The following TFEC variants were observed in gnomAD, a reference collection of about 807,000 sequenced individuals.
The protein encoded by TFEC is transcription factor EC, also known as class E basic helix-loop-helix protein 34.
Under a neutral mutation model 41.6 loss-of-function variants are expected in TFEC, and 31 were observed. The observed-to-expected ratio is 0.74, with a 90% CI of 0.56 to 1.01. The LOEUF (loss-of-function observed/expected upper bound fraction) is 1.01. TFEC is among the 50% of genes least tolerant of loss of function. The pLI, the probability that TFEC is intolerant of heterozygous loss-of-function variation, is 0.00. For missense variants in TFEC, 402 were observed against 404.1 expected (o/e 0.99, Z 0.04); for synonymous variants, 143 against 140.6 (o/e 1.02, Z -0.12).
intron 3 of TFEC, among the ~76,000 whole-genome samples, chr7:115,959,795 C>T (rs1279412862): frequency 2.6e-5 from 4 of 151,220 alleles, no homozygotes; most frequent in Non-Finnish European, 5.9e-5. Context: ...AAAGTAATCT[C>T]CCAGGAGGAT....
chr7:115,938,542 A>C lies in TFEC; in HGVS notation c.*2009T>G, dbSNP rs1201721272. ...TAATTATTTTTCCATGTCAAACAATAAAATTATTTTAATTCTCCAAATTCT... is the reference window on the plus strand; with the variant it reads ...TAATTATTTTTCCATGTCAAACAATCAAATTATTTTAATTCTCCAAATTCT... On this transcript the variant is annotated 3_prime_UTR_variant, in exon 8 of 8. Transcript: ENST00000265440. 6.6e-6 allele frequency: 1 copy of C among 151,900 alleles called. No individual in the cohort carries two copies. Among genetic ancestry groups the C allele is most frequent in the Non-Finnish European group, 1.5e-5 (1 of 67,884 alleles). 9.4% of individuals were successfully genotyped at this position (151,900 alleles called of 1,614,324 possible).
Position 116,149,075 on chromosome 7 carries a change from T to TAATG in TFEC, c.-69+10711_-69+10714dup, listed in dbSNP as rs1798705457. ...GACAAAAATGGCTAAGCATCCAACT[T>TAATG]AATGAACTGAGAAATAGAATAGCAG... On this transcript the variant is annotated intron_variant, in intron 1 of 8. Transcript: ENST00000484212. Among the ~76,000 whole-genome samples, 3 of 152,200 alleles carry TAATG rather than the reference T, an allele frequency of 2.0e-5. No individual in the cohort carries two copies. The South Asian group carries it at 6.2e-4, about 32-fold the overall frequency.
chr7:115,937,467 C>T lies in TFEC; in HGVS notation c.*3084G>A, dbSNP rs946725922. ...CTCAAATAATTTGCTTTTAAATTCACACTATTTTTGTTTGGAAATTTATTT... is the reference window on the plus strand; with the variant it reads ...CTCAAATAATTTGCTTTTAAATTCATACTATTTTTGTTTGGAAATTTATTT... On this transcript the variant is annotated 3_prime_UTR_variant, in exon 8 of 8. Transcript: ENST00000265440. 1.1e-4 allele frequency: 16 copies of T among 151,764 alleles called. No homozygotes were observed. Among genetic ancestry groups the T allele is most frequent in the Middle Eastern group, 3.4e-3 (1 of 294 alleles). 9.4% of individuals were successfully genotyped at this position (151,764 alleles called of 1,614,324 possible). A position where few individuals can be genotyped will look rare whatever the true frequency, so the allele number is the denominator to read the frequency against.
chr7:116,003,251 TAA>T lies in TFEC; in HGVS notation c.-72-18740_-72-18739del, dbSNP rs5886802. 5.9e-4 allele frequency among the ~76,000 whole-genome samples: 89 copies of T among 150,634 alleles called. 2 individuals are homozygous for T. Among genetic ancestry groups the T allele is most frequent in the South Asian group, 4.2e-3 (20 of 4,768 alleles). On this transcript the variant is annotated intron_variant, in intron 1 of 7. Coordinates refer to ENST00000265440, the MANE Select transcript of TFEC (RefSeq NM_012252.4). Reference sequence around the variant, plus strand: ...CATTACCATTTTTAAACTTTAAATTTAAAAAAAAAAATTAAATAATTAAAAGT... The same window carrying T: ...CATTACCATTTTTAAACTTTAAATTTAAAAAAAAATTAAATAATTAAAAGT...
intron 6 of TFEC, among the ~76,000 whole-genome samples, chr7:115,948,377 C>T (rs1391647232): frequency 6.6e-5 from 10 of 151,824 alleles, no homozygotes; most frequent in Non-Finnish European, 1.0e-4. Context: ...ATACCAAAGC[C>T]GGGCAGAGAC....
At chr7:116,109,392 A>C (rs10263933) in intron 3 of TFEC, among the ~76,000 whole-genome samples, 77,105 of 151,868 alleles carry the variant, frequency 0.51, 20,432 homozygotes, top group East Asian at 0.7. Flanking sequence ...AAACAAACAA[A>C]CCCATCAAAA....
chr7:116,063,833 T>C (rs1729968683), intron 3 of TFEC, among the ~76,000 whole-genome samples: 1 of 152,244 alleles, frequency 6.6e-6, no homozygotes, highest in Admixed American at 6.5e-5. Flanking sequence ...ATTTTCTTTA[T>C]CTCTCCATTC....
chr7:115,995,014 G>T (rs1390319330), intron 1 of TFEC, among the ~76,000 whole-genome samples: 1 of 152,050 alleles, frequency 6.6e-6, no homozygotes, highest in Non-Finnish European at 1.5e-5. Context: ...ATATTATGCA[G>T]CCATAAAAAA....
intron 3 of TFEC, among the ~76,000 whole-genome samples, chr7:116,038,598 G>T (rs1342488902): frequency 6.6e-6 from 1 of 152,006 alleles, no homozygotes. Context: ...ATGTTAGCAT[G>T]CTATATTCAA....
intron 1 of TFEC, among the ~76,000 whole-genome samples, chr7:116,023,084 A>C (rs1446138894): frequency 1.2e-5 from 1 of 84,072 alleles, no homozygotes; most frequent in African/African-American, 3.6e-5. Context: ...TTCTTCCAGC[A>C]AAAAAAAAAA....
At chr7:115,957,581 T>C (rs1264250099) in intron 3 of TFEC, among the ~76,000 whole-genome samples, 1 of 151,894 alleles carries the variant, frequency 6.6e-6, no homozygotes. Context: ...TTAAGTAATA[T>C]TCATATTTCA....
At chr7:116,050,875 T>C (rs1584454546) in intron 3 of TFEC, among the ~76,000 whole-genome samples, 1 of 152,128 alleles carries the variant, frequency 6.6e-6, no homozygotes, top group South Asian at 2.1e-4. Flanking sequence ...CTATTCACAA[T>C]AGCAAAGACT....
chr7:116,151,238 A>ATTT (rs5886809), intron 1 of TFEC, among the ~76,000 whole-genome samples: 67 of 120,126 alleles, frequency 5.6e-4, no homozygotes, highest in African/African-American at 1.6e-3. Flanking sequence ...ATTATGTCAG[A>ATTT]TTTTTTTTTT....
intron 3 of TFEC, among the ~76,000 whole-genome samples, chr7:116,098,913 A>AGGAAGGAAGGAAGGAAGGAG (rs1554419167): frequency 3.3e-5 from 5 of 149,350 alleles, no homozygotes; most frequent in African/African-American, 1.3e-4. Flanking sequence ...GAAGGAAGGA[A>AGGAAGGAAGGAAGGAAGGAG]GGAAGGAAGG....
chr7:115,964,877 CA>C (rs1792764251), intron 3 of TFEC, among the ~76,000 whole-genome samples: 2 of 151,536 alleles, frequency 1.3e-5, no homozygotes, highest in African/African-American at 4.8e-5. Context: ...CAAAATGTCA[CA>C]CACAGCTTGA....
At chr7:116,119,986 G>A (rs1394827999) in intron 1 of TFEC, 1 of 150,592 alleles carries the variant, frequency 6.6e-6, no homozygotes, top group Non-Finnish European at 1.5e-5. Context: ...AAAAAAAAAA[G>A]TAACCAAACA....
At position 116,126,888 on chromosome 7, in the gene TFEC, C is replaced by G. The variant is rs528381994; in HGVS notation, c.-68-14850G>C. Among the ~76,000 whole-genome samples, 5 of 152,086 alleles carry G rather than the reference C, an allele frequency of 3.3e-5. 1 individual carries two copies. Among genetic ancestry groups the G allele is most frequent in the African/African-American group, 1.2e-4 (5 of 41,492 alleles). ...AAAACAACCTGTCCAGATATTGGGA[C>G]AAGAGAATGAAGGACTCCTGAAAAA... On this transcript the variant is annotated intron_variant, in intron 1 of 8. Coordinates refer to the TFEC transcript ENST00000484212.
At chr7:116,034,687 T>TACAG (rs1795868526), upstream of TFEC, among the ~76,000 whole-genome samples, 1 of 148,266 alleles carries the variant, frequency 6.7e-6, no homozygotes, top group Admixed American at 6.8e-5. Context: ...CAGGCATGCA[T>TACAG]ACACACACAC....
intron 6 of TFEC, among the ~76,000 whole-genome samples, chr7:115,949,469 C>T (rs1449231425): frequency 1.3e-5 from 2 of 152,074 alleles, no homozygotes; most frequent in African/African-American, 2.4e-5. Context: ...GCTACAGTAA[C>T]CAAAACAGCA....
Sources: gnomAD v4.1 joint callset for allele counts (sites outside exome capture counted in the v4.1 genomes callset) on GRCh38, gnomAD v4.1.1 for gene constraint, MANE v1.5 for transcripts, NCBI Gene and HGNC (gene_info 2026-07-23, HGNC 2026-07-21) for gene names.